Variants in SAMMSON observed in about 807,000 individuals in gnomAD.
SAMMSON encodes the protein survival associated mitochondrial melanoma specific oncogenic non-coding RNA.
At chr3:70,237,265 A>T (rs1329672594) in intron 4 of SAMMSON, among the ~76,000 whole-genome samples, 1 of 152,222 alleles carries the variant, frequency 6.6e-6, no homozygotes, top group Non-Finnish European at 1.5e-5. Flanking sequence ...GAATTACTGC[A>T]TCATATTCTC....
intron 1 of SAMMSON, among the ~76,000 whole-genome samples, chr3:70,010,156 T>C (rs1289131068): frequency 2.6e-5 from 4 of 152,064 alleles, no homozygotes; most frequent in Admixed American, 6.6e-5. Flanking sequence ...CTATTAGGTC[T>C]GCTTGGTGCA....
intron 4 of SAMMSON, among the ~76,000 whole-genome samples, chr3:70,162,217 A>G (rs992763391): frequency 1.3e-5 from 2 of 151,722 alleles, no homozygotes; most frequent in Admixed American, 6.6e-5. Context: ...GGATCTTAAG[A>G]TGTAAGATTA....
At chr3:70,238,125 C>G (rs924922485) in intron 4 of SAMMSON, among the ~76,000 whole-genome samples, 3 of 151,292 alleles carry the variant, frequency 2.0e-5, no homozygotes, top group African/African-American at 7.3e-5. Context: ...CATATGATAG[C>G]CAGAGTCCTC....
chr3:70,001,280 T>A (rs571963360), intron 1 of SAMMSON, among the ~76,000 whole-genome samples: 3 of 152,200 alleles, frequency 2.0e-5, no homozygotes, highest in African/African-American at 7.2e-5. Context: ...ATCCCTCTTC[T>A]CCTTTGTAGA....
At chr3:70,083,063 A>G (rs1319182205) in intron 4 of SAMMSON, among the ~76,000 whole-genome samples, 1 of 152,180 alleles carries the variant, frequency 6.6e-6, no homozygotes, top group Non-Finnish European at 1.5e-5. Flanking sequence ...CTTCGTTGTC[A>G]TTTCCTTGGC....
intron 2 of SAMMSON, among the ~76,000 whole-genome samples, chr3:70,408,060 G>A (rs1360770050): frequency 6.6e-6 from 1 of 152,222 alleles, no homozygotes; most frequent in East Asian, 1.9e-4. Context: ...TGAAGCCACG[G>A]CCCAAGCTCT....
At chr3:70,411,120 C>A (rs1374125443) in intron 2 of SAMMSON, among the ~76,000 whole-genome samples, 1 of 152,140 alleles carries the variant, frequency 6.6e-6, no homozygotes, top group African/African-American at 2.4e-5. Context: ...TAAAATAGCA[C>A]AGGTACAGCC....
intron 3 of SAMMSON, among the ~76,000 whole-genome samples, chr3:70,050,490 C>A (rs530757246): frequency 6.6e-6 from 1 of 152,060 alleles, no homozygotes; most frequent in Non-Finnish European, 1.5e-5. Context: ...TTGCTGAGAA[C>A]CTATCAGAAA....
intron 4 of SAMMSON, among the ~76,000 whole-genome samples, chr3:70,091,877 C>G (rs1464058264): frequency 1.3e-5 from 2 of 152,200 alleles, no homozygotes; most frequent in South Asian, 4.1e-4. Context: ...ATATTATAAT[C>G]TCAAATATTC....
At chr3:70,374,127 T>G (rs1311225399) in intron 9 of SAMMSON, among the ~76,000 whole-genome samples, 1 of 152,192 alleles carries the variant, frequency 6.6e-6, no homozygotes, top group Non-Finnish European at 1.5e-5. Flanking sequence ...TTGGTCAGGC[T>G]GGTCTCAAAC....
At chr3:70,014,672 A>T (rs2066974019) in intron 3 of SAMMSON, 1 of 152,210 alleles carries the variant, frequency 6.6e-6, no homozygotes. Context: ...TTAGGGACAG[A>T]ACCAACCACC....
At chr3:70,360,238 T>G (rs1483054208) in intron 9 of SAMMSON, among the ~76,000 whole-genome samples, 1 of 152,162 alleles carries the variant, frequency 6.6e-6, no homozygotes, top group Admixed American at 6.6e-5. Context: ...TTATGCCTCA[T>G]ATGGATTAAA....
At chr3:70,362,051 G>C (rs1252899438) in intron 9 of SAMMSON, among the ~76,000 whole-genome samples, 2 of 152,054 alleles carry the variant, frequency 1.3e-5, no homozygotes, top group Non-Finnish European at 2.9e-5. Context: ...AGGGGATAAA[G>C]ATATGCAAAC....
intron 4 of SAMMSON, among the ~76,000 whole-genome samples, chr3:70,179,725 G>GT (rs751432706): frequency 6.6e-6 from 1 of 152,046 alleles, no homozygotes; most frequent in African/African-American, 2.4e-5. Context: ...GAACTTAAGA[G>GT]TTTTTTTAAA....
chr3:70,383,144 A>C (rs1703087460), intron 9 of SAMMSON, among the ~76,000 whole-genome samples: 1 of 152,066 alleles, frequency 6.6e-6, no homozygotes, highest in Admixed American at 6.6e-5. Flanking sequence ...ATGATTTAAA[A>C]TAGTTTTTCA....
chr3:70,243,336 T>C (rs1701678709), intron 4 of SAMMSON, among the ~76,000 whole-genome samples: 1 of 152,156 alleles, frequency 6.6e-6, no homozygotes, highest in African/African-American at 2.4e-5. Context: ...TTCCTTAAAA[T>C]TGGGGTTGTA....
At position 70,309,374 on chromosome 3, in the gene SAMMSON, G is replaced by A. The variant is rs186525974; in HGVS notation, n.739+18131G>A. On this transcript the variant is annotated intron_variant and non_coding_transcript_variant, in intron 7 of 9. Transcript: ENST00000642114. ...AAAAGCATTGTTGCTATTACCAATG[G>A]TTCAAAGTGTGAACTAAGCTCTCAA... Among the ~76,000 whole-genome samples the A allele has an allele frequency of 3.1e-4, 47 of 152,160 alleles. No homozygotes were observed. The East Asian group carries it at 8.7e-3, about 28-fold the overall frequency.
At chr3:70,184,530 T>A (rs1701077635) in intron 4 of SAMMSON, among the ~76,000 whole-genome samples, 1 of 152,256 alleles carries the variant, frequency 6.6e-6, no homozygotes, top group African/African-American at 2.4e-5. Context: ...AAGTTTATTA[T>A]GAAAATTTTT....
At chr3:70,335,632 G>A (rs1013494176) in intron 7 of SAMMSON, among the ~76,000 whole-genome samples, 4 of 151,918 alleles carry the variant, frequency 2.6e-5, no homozygotes, top group African/African-American at 4.8e-5. Flanking sequence ...TACTGTAGGT[G>A]TCTTGAACTT....
Sources: allele counts gnomAD v4.1 joint callset (sites outside exome capture counted in the v4.1 genomes callset), GRCh38; gene constraint gnomAD v4.1.1; transcripts MANE v1.5; gene names NCBI Gene and HGNC (gene_info 2026-07-23, HGNC 2026-07-21).